The following ATG13 variants were observed in gnomAD, a reference collection of about 807,000 sequenced individuals.
ATG13 encodes the protein autophagy-related protein 13.
ATG13 carries 23 observed loss-of-function variants against 65.5 expected under a neutral mutation model. That is an observed-to-expected ratio of 0.35 (90% confidence interval 0.25 to 0.50). The LOEUF (loss-of-function observed/expected upper bound fraction) is 0.50, where lower values mean the gene tolerates loss of function less well. Among genes scored for constraint, ATG13 ranks in the 20% least tolerant of loss-of-function variants. ATG13 has a pLI of 0.98. For missense variants in ATG13, 566 were observed against 677.0 expected (o/e 0.84, Z 1.82); for synonymous variants, 252 against 245.2 (o/e 1.03, Z -0.26).
At chr11:46,670,214 G>A (rs954295255) in intron 18 of ATG13, among the ~76,000 whole-genome samples, 1 of 152,154 alleles carries the variant, frequency 6.6e-6, no homozygotes, top group African/African-American at 2.4e-5. Flanking sequence ...CAGGTGCAGT[G>A]GCTCACGCCT....
chr11:46,656,315 C>T (rs772094954), intron 8 of ATG13, 42 bp downstream of exon 8: 7 of 1,554,878 alleles, frequency 4.5e-6, no homozygotes, highest in Non-Finnish European at 6.2e-6. Flanking sequence ...GTTCAGAGCT[C>T]TCCTAACTTC....
Position 46,672,911 on chromosome 11 carries a change from C to T in ATG13, c.*579C>T. 2.2e-6 allele frequency: 2 copies of T among 898,878 alleles called. No homozygotes were observed. The highest frequency in any genetic ancestry group is 2.9e-6 in the Non-Finnish European group (2 of 678,588). 55.7% of individuals were successfully genotyped at this position (898,878 alleles called of 1,614,324 possible). ...CTGTATTTCTGGCAATATGACAGGC[C>T]TGCCTACCCAAGATCAGAACTCCAA... is the stretch of plus-strand genomic sequence containing the variant. On this transcript the variant is annotated 3_prime_UTR_variant, in exon 19 of 19. Transcript: ENST00000683050.
At chr11:46,668,597 G>A (rs375177275) in intron 16 of ATG13, 21 bp downstream of exon 16, 123 of 1,608,154 alleles carry the variant, frequency 7.6e-5, no homozygotes, top group East Asian at 2.9e-4. Flanking sequence ...CGTTGACTAC[G>A]AGTTCCCAGT....
chr11:46,660,758 G>T (rs1046661879), intron 11 of ATG13, among the ~76,000 whole-genome samples: 2 of 151,320 alleles, frequency 1.3e-5, no homozygotes, highest in Admixed American at 6.6e-5. Context: ...ACTCAGGCTG[G>T]AGTGCAGTGG....
chr11:46,669,129 A>G (rs956381206), intron 17 of ATG13, among the ~76,000 whole-genome samples: 3 of 152,226 alleles, frequency 2.0e-5, no homozygotes, highest in African/African-American at 7.2e-5. Flanking sequence ...AATGAAATTC[A>G]ACTCTAAATG....
intron 8 of ATG13, 21 bp from the exon 9 acceptor site, chr11:46,657,071 CTAA>C (rs973820734): frequency 6.3e-7 from 1 of 1,579,004 alleles, no homozygotes; most frequent in African/African-American, 1.3e-5. Context: ...GCAAAAGAAG[CTAA>C]TAATGTATCT....
intron 1 of ATG13, among the ~76,000 whole-genome samples, chr11:46,626,188 C>G (rs1426115778): frequency 1.3e-5 from 2 of 152,110 alleles, no homozygotes; most frequent in East Asian, 3.9e-4. Flanking sequence ...ATCTCCTGAC[C>G]TTGTGATCCA....
intron 2 of ATG13, among the ~76,000 whole-genome samples, chr11:46,633,932 A>T (rs2052938030): frequency 6.6e-6 from 1 of 152,168 alleles, no homozygotes; most frequent in Non-Finnish European, 1.5e-5. Flanking sequence ...AAATGAAAGC[A>T]ATTTTTTAGT....
rs2063027574 is a variant in ATG13 at position 46,668,840 on chromosome 11, G to C, written c.1376G>C (p.Ser459Thr). 2 of 1,613,866 alleles carry C rather than the reference G, an allele frequency of 1.2e-6. No homozygotes were observed. Among genetic ancestry groups the C allele is most frequent in the African/African-American group, 1.3e-5 (1 of 74,916 alleles). Reference sequence around the variant, plus strand: ...GAGACTGAATCTCCTCTCCAGGGCAGCCTGCACTCAGATGGCTCCAGCGGG... The same window carrying C: ...GAGACTGAATCTCCTCTCCAGGGCACCCTGCACTCAGATGGCTCCAGCGGG... ...SPETESPLQG[S>T]LHSDGSSGGS... The change falls in exon 17 of 19, where the codon AGC (serine) becomes ACC (threonine). Residue 459 changes from serine to threonine, a missense_variant. This residue lies in a region of ATG13 where 387 missense variants were observed against 409.8 expected (regional missense o/e 0.94). Coordinates refer to ENST00000683050, the MANE Select transcript of ATG13 (RefSeq NM_001346311.2).
In ATG13 at chr11:46,649,010, C is replaced by G. The variant is rs372910780; in HGVS notation, c.271-127C>G. 9 of 710,152 alleles carry G rather than the reference C, an allele frequency of 1.3e-5. No homozygotes were observed. In the South Asian group the frequency reaches 2.4e-4, roughly 19 times the overall value. 44.0% of individuals were successfully genotyped at this position (710,152 alleles called of 1,614,324 possible). A position where few individuals can be genotyped will look rare whatever the true frequency, so the allele number is the denominator to read the frequency against. On this transcript the variant is annotated intron_variant, in intron 5 of 18. Transcript: ENST00000683050. The stretch of plus-strand genomic sequence containing the variant: ...CTTTTATTTAGAGAAGAGGCTTGTT[C>G]GATTATAAGTTGATATCTATTCTTT...
At chr11:46,659,517 G>A in intron 11 of ATG13, 32 bp downstream of exon 11, 1 of 1,546,054 alleles carries the variant, frequency 6.5e-7, no homozygotes, top group Non-Finnish European at 8.9e-7. Context: ...GGTGGTGGTA[G>A]TTATTTGGTA....
At chr11:46,655,934 G>A (rs2059958762) in intron 7 of ATG13, among the ~76,000 whole-genome samples, 1 of 152,116 alleles carries the variant, frequency 6.6e-6, no homozygotes, top group Admixed American at 6.5e-5. Flanking sequence ...GGGTCTTGCT[G>A]TGTTGCCCAG....
chr11:46,627,782 A>AT (rs960489534), intron 1 of ATG13, among the ~76,000 whole-genome samples: 2 of 152,020 alleles, frequency 1.3e-5, no homozygotes, highest in Non-Finnish European at 2.9e-5. Context: ...CCTGGCCTGA[A>AT]TTTAAGAGCA....
intron 2 of ATG13, among the ~76,000 whole-genome samples, chr11:46,633,703 C>G (rs1315409441): frequency 6.6e-6 from 1 of 151,934 alleles, no homozygotes; most frequent in Non-Finnish European, 1.5e-5. Context: ...CCCAGCTACT[C>G]GAGAGGCTTA....
chr11:46,644,117 T>C (rs1456769905), intron 2 of ATG13, among the ~76,000 whole-genome samples, 162 bp from the exon 3 acceptor site: 1 of 152,218 alleles, frequency 6.6e-6, no homozygotes, highest in Non-Finnish European at 1.5e-5. Flanking sequence ...AGATAGTATC[T>C]CAGTATTTTT....
At chr11:46,618,781 G>A (rs2046258090) in intron 1 of ATG13, among the ~76,000 whole-genome samples, 2 of 151,784 alleles carry the variant, frequency 1.3e-5, no homozygotes, top group South Asian at 4.1e-4. Flanking sequence ...CCATTTATCA[G>A]CTCAGGAGAA....
At chr11:46,658,820 G>A (rs539403995) in intron 10 of ATG13, among the ~76,000 whole-genome samples, 2 of 152,222 alleles carry the variant, frequency 1.3e-5, no homozygotes, top group Admixed American at 1.3e-4. Flanking sequence ...ACAGGTGTGA[G>A]TGAGTCTACC....
At position 46,645,208 on chromosome 11, in the gene ATG13, CA is replaced by C. The variant is rs886261357; in HGVS notation, c.70-128del. 6.0e-6 allele frequency: 4 copies of C among 666,318 alleles called. No homozygotes were observed. In the Admixed American group the frequency reaches 1.3e-4, roughly 22 times the overall value. The allele number at this position is 666,318 out of a possible 1,614,324, so 41.3% of individuals were successfully genotyped here. On this transcript the variant is annotated intron_variant, in intron 3 of 18. Transcript: ENST00000683050. ...CAAAAATTAAAATTATACTGTTTCC[CA>C]AAGTATACTTATGATTAATTGGCAT... is the stretch of plus-strand genomic sequence containing the variant.
intron 18 of ATG13, among the ~76,000 whole-genome samples, chr11:46,671,069 T>C (rs533641047): frequency 6.6e-6 from 1 of 152,156 alleles, no homozygotes; most frequent in Non-Finnish European, 1.5e-5. Flanking sequence ...TGACATGCAC[T>C]TGGAAGAAAG....
Sources: allele counts gnomAD v4.1 joint callset (sites outside exome capture counted in the v4.1 genomes callset), GRCh38; gene constraint gnomAD v4.1.1; regional missense constraint gnomAD v4.1.1; transcripts MANE v1.5; gene names NCBI Gene and HGNC (gene_info 2026-07-23, HGNC 2026-07-21).